The following SP140 variants were observed in gnomAD, a reference collection of about 807,000 sequenced individuals.
SP140 encodes the protein nuclear body protein SP140.
SP140 carries 81 observed loss-of-function variants against 125.0 expected under a neutral mutation model. The observed-to-expected ratio is 0.65, with a 90% confidence interval of 0.54 to 0.78. SP140 has a LOEUF of 0.78. Ranked by LOEUF, SP140 falls within the 30% of genes least tolerant of loss-of-function variation. The probability of loss-of-function intolerance (pLI) is 0.00; values close to 1 mark genes in which losing one functional copy is unlikely to be tolerated. For missense variants in SP140, 858 were observed against 1,037.0 expected, an observed-to-expected ratio of 0.83 and a Z score of 2.37; for synonymous variants, 312 against 354.0, an observed-to-expected ratio of 0.88 and a Z score of 1.33.
At chr2:230,222,416 G>A (rs533147204), upstream of SP140, among the ~76,000 whole-genome samples, 52 of 152,180 alleles carry the variant, frequency 3.4e-4, no homozygotes, top group African/African-American at 1.1e-3. Context: ...TACTACACCA[G>A]TCAAGATGTA....
chr2:230,243,643 T>C (rs2049010327), intron 4 of SP140, 88 bp from the exon 5 acceptor site: 2 of 1,061,796 alleles, frequency 1.9e-6, no homozygotes, highest in Non-Finnish European at 2.9e-6. Flanking sequence ...TATCAGGTTT[T>C]CTTAGTTTTC....
At chr2:230,255,646 T>C (rs984745565) in intron 12 of SP140, 114 bp downstream of exon 12, 3 of 883,950 alleles carry the variant, frequency 3.4e-6, no homozygotes, top group Non-Finnish European at 5.4e-6. Flanking sequence ...AGTGAAAGGA[T>C]CTAATTAATC....
In SP140 at chr2:230,247,908, A is replaced by G; in HGVS notation, c.743-8A>G. ...TACACTCTCAGAGATGCCTTTTTTG[A>G]TCCCTAGTTCTAGAAAGCAACGGGA... On this transcript the variant is annotated splice_region_variant and splice_polypyrimidine_tract_variant and intron_variant, in intron 7 of 26. Coordinates refer to ENST00000392045, the MANE Select transcript of SP140 (RefSeq NM_007237.5). 6.2e-7 allele frequency: 1 copy of G among 1,609,412 alleles called. No individual in the cohort carries two copies. The highest frequency in any genetic ancestry group is 8.5e-7 in the Non-Finnish European group (1 of 1,178,474).
upstream of SP140, among the ~76,000 whole-genome samples, chr2:230,199,138 TA>T: frequency 7.5e-6 from 1 of 133,162 alleles, no homozygotes; most frequent in African/African-American, 3.4e-5. Flanking sequence ...CTATTATTAT[TA>T]TTATTATTAT....
chr2:230,309,962 A>C lies in SP140; in HGVS notation c.2097A>C (p.Gly699=). 1 of 1,614,016 alleles carries C rather than the reference A, an allele frequency of 6.2e-7. No individual in the cohort carries two copies. The highest frequency in any genetic ancestry group is 8.5e-7 in the Non-Finnish European group (1 of 1,179,998). The change falls in exon 23 of 27, where the codon GGA becomes GGC. Residue 699 remains glycine (G), a synonymous_variant. Coordinates refer to ENST00000392045, the MANE Select transcript of SP140 (RefSeq NM_007237.5). ...ATGAGTGTGAGGTGTGCCGGGACGG[A>C]GGGGAGCTGTTCTGTTGCGACACTT... ...NLDECEVCRD[G]GELFCCDTCS...
At chr2:230,303,750 C>T (rs1380835268) in intron 22 of SP140, among the ~76,000 whole-genome samples, 1 of 152,160 alleles carries the variant, frequency 6.6e-6, no homozygotes, top group Admixed American at 6.5e-5. Context: ...ATAGAGGGGA[C>T]ATACCTTAAG....
chr2:230,273,260 G>T (rs1325572176), intron 15 of SP140, among the ~76,000 whole-genome samples: 1 of 151,900 alleles, frequency 6.6e-6, no homozygotes, highest in African/African-American at 2.4e-5. Context: ...AAAACAAACA[G>T]CCCCATTAAA....
chr2:230,266,479 GACAAATAACC>G (rs2053143791), intron 12 of SP140, among the ~76,000 whole-genome samples: 1 of 152,182 alleles, frequency 6.6e-6, no homozygotes, highest in Non-Finnish European at 1.5e-5. Flanking sequence ...ATTGCTGCAT[GACAAATAACC>G]ACAAATGTAA....
In SP140 at chr2:230,269,817, GA is replaced by G; in HGVS notation, c.1328-18del. On this transcript the variant is annotated intron_variant, in intron 13 of 26. Transcript: ENST00000392045. ...ACTGGGTCAAACTGAAAGTCTTCAT[GA>G]ATCACAATTTTGGCCCAGGAGCGGA... 3.8e-6 allele frequency: 6 copies of G among 1,578,706 alleles called. No individual in the cohort carries two copies. The highest frequency in any genetic ancestry group is 5.2e-6 in the Non-Finnish European group (6 of 1,148,208).
rs185648612 is a variant in SP140 at position 230,242,713 on chromosome 2, T to C, written c.491-1018T>C. On this transcript the variant is annotated intron_variant, in intron 4 of 26. Coordinates refer to ENST00000392045, the MANE Select transcript of SP140 (RefSeq NM_007237.5). ...CCCATGGTTTTTCAAGTTGGAAACC[T>C]AGTCAAGTCATCATGGATGACTCCT... 2.3e-4 allele frequency among the ~76,000 whole-genome samples: 35 copies of C among 152,310 alleles called. No homozygotes were observed. The East Asian group carries it at 6.0e-3, about 26-fold the overall frequency.
At position 230,312,919 on chromosome 2, in the gene SP140, T is replaced by A. The variant is rs2059434046; in HGVS notation, c.*235T>A. On this transcript the variant is annotated 3_prime_UTR_variant, in exon 27 of 27. Transcript: ENST00000392045. ...GAGTAAGTGGGATCACAGGGAAGGA[T>A]GTTGGCAGCGACACCATCCCATACA... 1 of 403,290 alleles carries A rather than the reference T, an allele frequency of 2.5e-6. No homozygotes were observed. Among genetic ancestry groups the A allele is most frequent in the Non-Finnish European group, 4.5e-6 (1 of 221,822 alleles). 25.0% of individuals were successfully genotyped at this position (403,290 alleles called of 1,614,324 possible).
chr2:230,196,595 G>A, the SP140 span, among the ~76,000 whole-genome samples: 1 of 151,662 alleles, frequency 6.6e-6, no homozygotes, highest in Non-Finnish European at 1.5e-5. Flanking sequence ...ACAATGTGCA[G>A]GTTTGTTACA....
chr2:230,241,261 A>G (rs994567094), intron 3 of SP140, 143 bp from the exon 4 acceptor site: 1 of 651,956 alleles, frequency 1.5e-6, no homozygotes, highest in Non-Finnish European at 2.7e-6. Flanking sequence ...TGTGCCTCTC[A>G]ATGAAAAAAA....
At position 230,284,354 on chromosome 2, in the gene SP140, A is replaced by C; in HGVS notation, c.1507A>C (p.Arg503=). ...TTCTCTTTGGTTTGAAGGAAAAAAG[A>C]GGGGGCATGGCTGGAGCAGAATGAG... ...GKPKRKRRKK[R]GHGWSRMRMR... The change falls in exon 16 of 27, where the codon AGG becomes CGG. Residue 503 remains arginine (R), a synonymous_variant. Coordinates refer to ENST00000392045, the MANE Select transcript of SP140 (RefSeq NM_007237.5). 1 of 1,605,298 alleles carries C rather than the reference A, an allele frequency of 6.2e-7. No individual in the cohort carries two copies. Among genetic ancestry groups the C allele is most frequent in the South Asian group, 1.1e-5 (1 of 89,436 alleles).
intron 1 of SP140, among the ~76,000 whole-genome samples, chr2:230,205,795 A>G (rs1416932861): frequency 6.6e-6 from 1 of 150,746 alleles, no homozygotes; most frequent in African/African-American, 2.5e-5. Context: ...GCAGCTGGCT[A>G]TGTGTTTCTT....
chr2:230,238,717 AT>A, intron 3 of SP140: 1 of 1,409,386 alleles, frequency 7.1e-7, no homozygotes, highest in East Asian at 2.5e-5. Context: ...CTTCTCTGAT[AT>A]TTGCAGATAT....
intron 12 of SP140, among the ~76,000 whole-genome samples, chr2:230,262,307 C>G (rs1388303097): frequency 2.0e-5 from 3 of 152,090 alleles, no homozygotes; most frequent in Non-Finnish European, 4.4e-5. Context: ...TTTCCTGTTT[C>G]ATTTCTCAGT....
In SP140 at chr2:230,237,015, A is replaced by T; in HGVS notation, c.60-68A>T. 7.6e-7 allele frequency: 1 copy of T among 1,322,870 alleles called. No individual in the cohort carries two copies. 81.9% of individuals were successfully genotyped at this position (1,322,870 alleles called of 1,614,324 possible). A position where few individuals can be genotyped will look rare whatever the true frequency, so the allele number is the denominator to read the frequency against. On this transcript the variant is annotated intron_variant, in intron 1 of 26. Transcript: ENST00000392045. The surrounding 1 kb of genome is among the most constrained non-coding windows in gnomAD (Gnocchi z 5.4). ...CCATTGGCCATCCTTCATGTCTAAA[A>T]TCTTCTAACCACCACAAACCTCTTG...
chr2:230,293,670 C>T (rs2057382224), intron 20 of SP140, among the ~76,000 whole-genome samples: 1 of 152,088 alleles, frequency 6.6e-6, no homozygotes, highest in African/African-American at 2.4e-5. Context: ...CGGGGCTTTC[C>T]CCCTAGCAAA....
Sources: gnomAD v4.1 joint callset for allele counts (sites outside exome capture counted in the v4.1 genomes callset) on GRCh38, gnomAD v4.1.1 for gene constraint, Gnocchi (gnomAD v3.1) non-coding constraint, MANE v1.5 for transcripts, NCBI Gene and HGNC (gene_info 2026-07-23, HGNC 2026-07-21) for gene names.